BLTP1: variants seen among roughly 807,000 people sequenced by gnomAD.
BLTP1 encodes fragile site-associated protein.
the BLTP1 span, among the ~76,000 whole-genome samples, chr4:122,211,550 C>T: frequency 6.6e-6 from 1 of 152,048 alleles, no homozygotes; most frequent in Non-Finnish European, 1.5e-5. Flanking sequence ...CAAATATTTG[C>T]TTGGTGCTTT....
At chr4:122,162,018 A>C in the BLTP1 span, among the ~76,000 whole-genome samples, 1 of 152,202 alleles carries the variant, frequency 6.6e-6, no homozygotes, top group African/African-American at 2.4e-5. Context: ...TGTGATAAGT[A>C]CTAAGAGACA....
chr4:122,323,274 G>C, the BLTP1 span, among the ~76,000 whole-genome samples: 1 of 152,024 alleles, frequency 6.6e-6, no homozygotes, highest in Non-Finnish European at 1.5e-5. Context: ...ACAGCTCCAA[G>C]AACAGCTGTT....
chr4:122,190,112 A>T, the BLTP1 span: 8 of 1,608,480 alleles, frequency 5.0e-6, no homozygotes, highest in Non-Finnish European at 6.8e-6. Context: ...TGTTTTTTTT[A>T]AAGTGACAGA....
At chr4:122,200,724 G>C in the BLTP1 span, 1 of 979,572 alleles carries the variant, frequency 1.0e-6, no homozygotes, top group Non-Finnish European at 1.2e-6. Context: ...GATGTCGGTT[G>C]TTACCCCATT....
At chr4:122,174,790 A>G in the BLTP1 span, 8 of 697,478 alleles carry the variant, frequency 1.1e-5, no homozygotes, top group Non-Finnish European at 1.6e-5. Flanking sequence ...CCAGTAAATC[A>G]TACTTGATGA....
the BLTP1 span, chr4:122,276,743 C>T: frequency 1.1e-6 from 1 of 946,566 alleles, no homozygotes; most frequent in Non-Finnish European, 1.3e-6. Context: ...TGCCTCCACC[C>T]TCTGGTGATC....
At chr4:122,348,693 T>C in the BLTP1 span, 1 of 1,605,480 alleles carries the variant, frequency 6.2e-7, no homozygotes. Context: ...CAAATGAATA[T>C]GAGTAATGTA....
At chr4:122,319,760 T>C in the BLTP1 span, among the ~76,000 whole-genome samples, 187 of 152,084 alleles carry the variant, frequency 1.2e-3, 1 homozygote, top group African/African-American at 4.4e-3. Flanking sequence ...AGGCTGGTCT[T>C]GAATGTCTTA....
At chr4:122,353,644 C>T in the BLTP1 span, 1 of 385,032 alleles carries the variant, frequency 2.6e-6, no homozygotes, top group Non-Finnish European at 3.5e-6. The surrounding 1 kb of genome is among the most constrained non-coding windows in gnomAD (Gnocchi z 4.3). Flanking sequence ...ATCCAATTAC[C>T]ACTAATAGAA....
At chr4:122,312,416 T>G in the BLTP1 span, among the ~76,000 whole-genome samples, 1 of 152,234 alleles carries the variant, frequency 6.6e-6, no homozygotes, top group Non-Finnish European at 1.5e-5. Flanking sequence ...TTTTATTTAC[T>G]AATTCTTCCT....
At chr4:122,158,707 C>A in the BLTP1 span, among the ~76,000 whole-genome samples, 34 of 152,170 alleles carry the variant, frequency 2.2e-4, 1 homozygote, top group South Asian at 6.8e-3. Flanking sequence ...GGAGGAGGGG[C>A]TTGCAGTGAG....
At chr4:122,343,488 G>T in the BLTP1 span, 2 of 1,614,060 alleles carry the variant, frequency 1.2e-6, no homozygotes, top group Non-Finnish European at 1.7e-6. Flanking sequence ...TCCAGCAGTA[G>T]TTCATCTGGC....
chr4:122,258,931 C>A, the BLTP1 span: 1 of 686,692 alleles, frequency 1.5e-6, no homozygotes, highest in Non-Finnish European at 2.4e-6. Flanking sequence ...TAGGTGTCCA[C>A]CCTAAATATT....
At chr4:122,247,277 G>A in the BLTP1 span, 4 of 1,613,328 alleles carry the variant, frequency 2.5e-6, no homozygotes, top group African/African-American at 4.0e-5. Context: ...TCAAATGCTG[G>A]AGCAGAAAAA....
At chr4:122,334,251 C>T in the BLTP1 span, 6 of 1,180,784 alleles carry the variant, frequency 5.1e-6, no homozygotes, top group Non-Finnish European at 7.1e-6. Context: ...AGTCTTCTGA[C>T]TTCCAATGTT....
the BLTP1 span, chr4:122,214,652 T>G: frequency 4.4e-5 from 19 of 428,382 alleles, no homozygotes; most frequent in Admixed American, 3.3e-4. Flanking sequence ...TGAGACAGGG[T>G]CTCACTTTGT....
chr4:122,265,183 CCA>C, the BLTP1 span, among the ~76,000 whole-genome samples: 26 of 152,230 alleles, frequency 1.7e-4, no homozygotes, highest in South Asian at 4.6e-3. Flanking sequence ...CTCTGATCCG[CCA>C]CCCAGGATAC....
the BLTP1 span, chr4:122,246,127 A>T: frequency 1.3e-3 from 1,944 of 1,537,460 alleles, 15 homozygotes; most frequent in African/African-American, 0.024. Flanking sequence ...AGCTTGTGAA[A>T]TAATTTCACT....
the BLTP1 span, among the ~76,000 whole-genome samples, chr4:122,205,407 AG>A: frequency 2.0e-5 from 3 of 151,814 alleles, no homozygotes; most frequent in Non-Finnish European, 4.4e-5. Context: ...ACTTTTTTCA[AG>A]GTTACACAGC....
Sources: gnomAD v4.1 joint callset for allele counts (sites outside exome capture counted in the v4.1 genomes callset) on GRCh38, gnomAD v4.1.1 for gene constraint, Gnocchi (gnomAD v3.1) non-coding constraint, MANE v1.5 for transcripts, NCBI Gene and HGNC (gene_info 2026-07-23, HGNC 2026-07-21) for gene names.